Variants in SLC6A12 observed in about 807,000 individuals in gnomAD.
The protein encoded by SLC6A12 is sodium- and chloride-dependent betaine transporter.
Under a neutral mutation model 73.3 loss-of-function variants are expected in SLC6A12, and 50 were observed. The ratio of observed to expected loss-of-function variants is 0.68; its 90% CI spans 0.54 to 0.86. The LOEUF (loss-of-function observed/expected upper bound fraction) is 0.86. Ranked by LOEUF, SLC6A12 falls within the 40% of genes least tolerant of loss-of-function variation. The probability of loss-of-function intolerance (pLI) is 0.00; values close to 1 mark genes in which losing one functional copy is unlikely to be tolerated. For synonymous variants in SLC6A12, 304 were observed against 309.2 expected (o/e 0.98, Z 0.18); for missense variants, 648 against 772.8 (o/e 0.84, Z 1.92).
chr12:187,972 G>A (rs1046997937), downstream of SLC6A12, among the ~76,000 whole-genome samples: 11 of 152,158 alleles, frequency 7.2e-5, no homozygotes, highest in African/African-American at 1.2e-4. Context: ...GATACAGAGT[G>A]CCGATTGGTG....
At chr12:184,665 G>A in the SLC6A12 span, among the ~76,000 whole-genome samples, 1 of 152,132 alleles carries the variant, frequency 6.6e-6, no homozygotes, top group Admixed American at 6.5e-5. Flanking sequence ...CAGGAGAATG[G>A]CGTGAACCCG....
At chr12:202,615 G>C in intron 5 of SLC6A12, 125 bp downstream of exon 5, 1 of 924,956 alleles carries the variant, frequency 1.1e-6, no homozygotes, top group Non-Finnish European at 1.6e-6. Flanking sequence ...CTGCCCAGGA[G>C]CCCACGTGGC....
At chr12:212,183 A>T (rs1940928457) in intron 1 of SLC6A12, 73 bp from the exon 2 acceptor site, 1 of 152,362 alleles carries the variant, frequency 6.6e-6, no homozygotes, top group South Asian at 2.1e-4. Flanking sequence ...CTCAATAAAG[A>T]GACGGAGAAC....
In SLC6A12 at chr12:197,988, C is replaced by T; in HGVS notation, c.862G>A (p.Gly288Ser). Reference sequence around the variant, plus strand: ...GCAAAGGAGAAGAAGATCTGGGTGCCCGCATCCATCCACACCTACACAAAA... The same window carrying T: ...GCAAAGGAGAAGAAGATCTGGGTGCTCGCATCCATCCACACCTACACAAAA... ...LKDPQVWMDA[G>S]TQIFFSFAIC... The change falls in exon 9 of 16, where the codon GGC (glycine) becomes AGC (serine). Residue 288 changes from glycine to serine, a missense_variant. Gly to Ser is a moderately conservative substitution (Grantham distance 56). Transcript: ENST00000684302. 2 of 1,613,686 alleles carry T rather than the reference C, an allele frequency of 1.2e-6. No individual in the cohort carries two copies. Among genetic ancestry groups the T allele is most frequent in the Non-Finnish European group, 1.7e-6 (2 of 1,179,804 alleles).
Position 204,658 on chromosome 12 carries a change from G to A in SLC6A12, c.255C>T (p.Cys85=), listed in dbSNP as rs199521597. The A allele has an allele frequency of 1.4e-4, 228 of 1,614,028 alleles. No homozygotes were observed. Among genetic ancestry groups the A allele is most frequent in the Non-Finnish European group, 1.7e-4 (204 of 1,180,004 alleles). Reference sequence around the variant, plus strand: ...CCTCCAGGAAGAACACCGGGATGCCGCAGACAAAGAAGAAGATGAAGTAGG... The same window carrying A: ...CCTCCAGGAAGAACACCGGGATGCCACAGACAAAGAAGAAGATGAAGTAGG... The part of the protein sequence containing the change: ...FIPYFIFFFV[C]GIPVFFLEVA... The change falls in exon 4 of 16, where the codon TGC becomes TGT. Residue 85 remains cysteine (C), a synonymous_variant. Coordinates refer to ENST00000684302, the MANE Select transcript of SLC6A12 (RefSeq NM_001122848.3).
chr12:209,908 G>T lies in SLC6A12; in HGVS notation c.79C>A (p.Gln27Lys). 6 of 1,614,182 alleles carry T rather than the reference G, an allele frequency of 3.7e-6. No homozygotes were observed. Among genetic ancestry groups the T allele is most frequent in the Non-Finnish European group, 5.1e-6 (6 of 1,180,024 alleles). The change falls in exon 3 of 16, where the codon CAG (glutamine) becomes AAG (lysine). Residue 27 changes from glutamine (Q) to lysine (K), a missense_variant. Coordinates refer to ENST00000684302, the MANE Select transcript of SLC6A12 (RefSeq NM_001122848.3). The stretch of plus-strand genomic sequence containing the variant: ...TCCTTCACCTGGTCCTCGTCTTCCT[G>T]GTCCAACTTCTCTCCCTCCTCGGGG... ...WVPEEGEKLDQEDEDQVKDRG... is the reference protein window; with the variant it reads ...WVPEEGEKLDKEDEDQVKDRG...
chr12:200,163 C>G (rs939835661), intron 7 of SLC6A12, among the ~76,000 whole-genome samples: 2 of 138,172 alleles, frequency 1.4e-5, no homozygotes, highest in African/African-American at 5.5e-5. Context: ...GGCTGGAGTG[C>G]AGTGGCGCTA....
chr12:196,860 G>A lies in SLC6A12; in HGVS notation c.1098C>T (p.Ala366=), dbSNP rs1473346828. The A allele has an allele frequency of 6.2e-7, 1 of 1,613,780 alleles. No individual in the cohort carries two copies. The part of the protein sequence containing the change: ...AESGPGLAFI[A]FPKAVTMMPL... ...GCATCATAGTCACAGCCTTGGGGAA[G>A]GCGATGAAGGCCAGCCCAGGACCTG... The change falls in exon 11 of 16, where the codon GCC becomes GCT. Residue 366 remains alanine (A), a synonymous_variant. Transcript: ENST00000684302.
intron 6 of SLC6A12, 131 bp from the exon 7 acceptor site, chr12:200,914 C>T: frequency 1.2e-6 from 1 of 861,652 alleles, no homozygotes; most frequent in Non-Finnish European, 1.8e-6. Context: ...CACTCCCCAC[C>T]TCCCCCACAG....
chr12:187,757 C>A (rs1257422435), downstream of SLC6A12, among the ~76,000 whole-genome samples: 1 of 152,034 alleles, frequency 6.6e-6, no homozygotes, highest in African/African-American at 2.4e-5. Flanking sequence ...GTCCATTTTA[C>A]AGAGAGCCGA....
intron 15 of SLC6A12, among the ~76,000 whole-genome samples, chr12:191,971 A>T (rs565524644): frequency 6.6e-6 from 1 of 152,186 alleles, no homozygotes; most frequent in South Asian, 2.1e-4. Flanking sequence ...ATAGATTTCT[A>T]CCTTTGTGGG....
At position 198,016 on chromosome 12, in the gene SLC6A12, C is replaced by G. The variant is rs534971859; in HGVS notation, c.847-13G>C. The G allele has an allele frequency of 6.2e-7, 1 of 1,611,546 alleles. No homozygotes were observed. Among genetic ancestry groups the G allele is most frequent in the African/African-American group, 1.3e-5 (1 of 74,960 alleles). On this transcript the variant is annotated splice_polypyrimidine_tract_variant and intron_variant, in intron 8 of 15. Transcript: ENST00000684302. This position sits in a 1 kb window ranked among gnomAD's most constrained non-coding sequence, Gnocchi z 4.0. ...CATCCATCCACACCTACACAAAACC[C>G]CAAGAAAGAGGTAGAGGCAGCCCCC...
chr12:197,159 A>AGTGTTGG (rs1939935365), intron 10 of SLC6A12, among the ~76,000 whole-genome samples: 1 of 99,726 alleles, frequency 1.0e-5, no homozygotes, highest in Non-Finnish European at 2.2e-5. Flanking sequence ...CCATCCATCC[A>AGTGTTGG]TCCATCCATC....
At chr12:205,459 C>A (rs1940582389) in intron 3 of SLC6A12, among the ~76,000 whole-genome samples, 1 of 152,200 alleles carries the variant, frequency 6.6e-6, no homozygotes, top group African/African-American at 2.4e-5. Flanking sequence ...ACAGTCCTTG[C>A]AAAACAACCT....
At chr12:186,983 T>C (rs1170027802), downstream of SLC6A12, among the ~76,000 whole-genome samples, 1 of 152,288 alleles carries the variant, frequency 6.6e-6, no homozygotes. Context: ...TTCCCTCCCC[T>C]GCCCAAAGTT....
rs115884815 is a variant in SLC6A12, at chr12:203,247, C to T, written c.350-367G>A. On this transcript the variant is annotated intron_variant, in intron 4 of 15. Transcript: ENST00000684302. The stretch of plus-strand genomic sequence containing the variant: ...AATTTTAACTTTTTTTTTGTAGAGA[C>T]GGGAGAAGGGGAGGGTCTCGCTATG... The T allele has an allele frequency of 1.6e-3, 263 of 165,520 alleles. 2 individuals are homozygous for T. Among genetic ancestry groups the T allele is most frequent in the African/African-American group, 5.8e-3 (242 of 41,478 alleles). The allele number at this position is 165,520 out of a possible 1,614,324, so 10.3% of individuals were successfully genotyped here.
At chr12:208,111 G>A (rs1357523880) in intron 3 of SLC6A12, among the ~76,000 whole-genome samples, 1 of 152,166 alleles carries the variant, frequency 6.6e-6, no homozygotes, top group Non-Finnish European at 1.5e-5. Flanking sequence ...TGGTTCCAAG[G>A]CCCTCTGCAG....
At chr12:187,006 G>A (rs113993205), downstream of SLC6A12, among the ~76,000 whole-genome samples, 5,227 of 152,270 alleles carry the variant, frequency 0.034, 106 homozygotes, top group African/African-American at 0.044. Context: ...CACTTTCTCC[G>A]CTAGGGCACA....
In SLC6A12 at chr12:191,009, T is replaced by A. The variant is rs1158003709; in HGVS notation, c.*59A>T. 2.4e-6 allele frequency: 3 copies of A among 1,248,308 alleles called. No individual in the cohort carries two copies. The highest frequency in any genetic ancestry group is 3.1e-6 in the Non-Finnish European group (3 of 982,540). The allele number at this position is 1,248,308 out of a possible 1,614,324, so 77.3% of individuals were successfully genotyped here. A position where few individuals can be genotyped will look rare whatever the true frequency, so the allele number is the denominator to read the frequency against. On this transcript the variant is annotated 3_prime_UTR_variant, in exon 16 of 16. Transcript: ENST00000684302. Reference sequence around the variant, plus strand: ...AGAGGCAGAGGCTGTCCGCTGAGAATGGAGGGTGGCCCTGACCTAGGTTCC... The same window carrying A: ...AGAGGCAGAGGCTGTCCGCTGAGAAAGGAGGGTGGCCCTGACCTAGGTTCC...
Sources: allele counts gnomAD v4.1 joint callset (sites outside exome capture counted in the v4.1 genomes callset), GRCh38; gene constraint gnomAD v4.1.1; non-coding constraint Gnocchi (gnomAD v3.1); transcripts MANE v1.5; gene names NCBI Gene and HGNC (gene_info 2026-07-23, HGNC 2026-07-21).